The following ILDR1 variants were observed in gnomAD, a reference collection of about 807,000 sequenced individuals.
The protein encoded by ILDR1 is immunoglobulin-like domain-containing receptor 1.
Under a neutral mutation model 62.4 loss-of-function variants are expected in ILDR1, and 56 were observed. The observed-to-expected ratio is 0.90, with a 90% confidence interval of 0.72 to 1.12. The LOEUF is 1.12. ILDR1 is among the 50% of genes most tolerant of loss of function. The pLI is 0.00. For synonymous variants in ILDR1, 284 were observed against 277.8 expected, an observed-to-expected ratio of 1.02 and a Z score of -0.22; for missense variants, 736 against 710.6, an observed-to-expected ratio of 1.04 and a Z score of -0.41.
intron 7 of ILDR1, among the ~76,000 whole-genome samples, chr3:121,990,221 G>T (rs543266242): frequency 6.6e-6 from 1 of 152,200 alleles, no homozygotes; most frequent in Non-Finnish European, 1.5e-5. Flanking sequence ...CTTTGGCCCT[G>T]CAGACTTTGC....
chr3:122,000,666 T>A (rs2071508267), intron 5 of ILDR1, among the ~76,000 whole-genome samples: 1 of 152,252 alleles, frequency 6.6e-6, no homozygotes, highest in Non-Finnish European at 1.5e-5. Context: ...TATAGCCATT[T>A]GCTCAGAAGC....
In ILDR1 at chr3:121,999,054, T is replaced by G. The variant is rs563711393; in HGVS notation, c.646+2254A>C. 3.9e-5 allele frequency among the ~76,000 whole-genome samples: 6 copies of G among 152,314 alleles called. No individual in the cohort carries two copies. In the East Asian group the frequency reaches 1.2e-3, roughly 29 times the overall value. On this transcript the variant is annotated intron_variant, in intron 5 of 7. Transcript: ENST00000344209. ...GAAACGTATGCAAGGGGACTACACA[T>G]CAGACATCCAATAAAAGTTAGTTCT...
the ILDR1 span, among the ~76,000 whole-genome samples, chr3:122,061,066 T>C: frequency 6.6e-6 from 1 of 152,166 alleles, no homozygotes; most frequent in Non-Finnish European, 1.5e-5. Context: ...CTCTATATTA[T>C]TAGGTGTCGA....
the ILDR1 span, among the ~76,000 whole-genome samples, chr3:122,044,579 T>TA: frequency 6.6e-6 from 1 of 151,594 alleles, no homozygotes; most frequent in African/African-American, 2.4e-5. Context: ...CTATTGATTA[T>TA]TGCCACAATT....
chr3:122,050,186 T>G, the ILDR1 span, among the ~76,000 whole-genome samples: 1 of 152,244 alleles, frequency 6.6e-6, no homozygotes. Context: ...AGACAGTGCA[T>G]AGTTGGATCT....
chr3:122,022,170 A>C lies in ILDR1; in HGVS notation c.-93T>G. 10 of 1,124,758 alleles carry C rather than the reference A, an allele frequency of 8.9e-6. No homozygotes were observed. Among genetic ancestry groups the C allele is most frequent in the South Asian group, 1.4e-5 (1 of 72,110 alleles). The allele number at this position is 1,124,758 out of a possible 1,614,324, so 69.7% of individuals were successfully genotyped here. ...CGCCCCAGGACGCACCACCTTCTCC[A>C]AGGAACCCCTCGGGTTTCCCCTCCC... On this transcript the variant is annotated 5_prime_UTR_variant, in exon 1 of 8. Coordinates refer to ENST00000344209, the MANE Select transcript of ILDR1 (RefSeq NM_001199799.2).
intron 5 of ILDR1, among the ~76,000 whole-genome samples, chr3:121,995,587 A>C (rs1282271617): frequency 1.3e-5 from 2 of 152,194 alleles, no homozygotes; most frequent in Non-Finnish European, 2.9e-5. Flanking sequence ...AGCCTGGAAG[A>C]AATCAGAGGC....
chr3:121,996,636 T>C (rs2071440464), intron 5 of ILDR1, among the ~76,000 whole-genome samples: 1 of 152,168 alleles, frequency 6.6e-6, no homozygotes, highest in Admixed American at 6.5e-5. Flanking sequence ...TTAACCTCAG[T>C]GGAGTAAAAT....
chr3:122,007,308 T>C (rs1184005031), intron 1 of ILDR1, 147 bp from the exon 2 acceptor site: 3 of 1,541,556 alleles, frequency 1.9e-6, no homozygotes, highest in Non-Finnish European at 1.7e-6. Flanking sequence ...CTTACTCACC[T>C]GGGCAGGCTA....
At chr3:122,048,335 C>G in the ILDR1 span, among the ~76,000 whole-genome samples, 1 of 152,252 alleles carries the variant, frequency 6.6e-6, no homozygotes. Context: ...ATTTGGTTTG[C>G]TAGTATTTTA....
the ILDR1 span, among the ~76,000 whole-genome samples, chr3:122,038,902 A>G: frequency 1.3e-5 from 2 of 152,178 alleles, no homozygotes; most frequent in Admixed American, 6.5e-5. Context: ...GGAACTTCTG[A>G]TCTGATCACC....
chr3:122,052,626 T>G, the ILDR1 span, among the ~76,000 whole-genome samples: 1 of 152,104 alleles, frequency 6.6e-6, no homozygotes, highest in African/African-American at 2.4e-5. Context: ...CAGGCTGGAG[T>G]GCAATGGCGC....
intron 1 of ILDR1, among the ~76,000 whole-genome samples, chr3:122,010,439 C>T (rs1576731249): frequency 6.6e-6 from 1 of 151,988 alleles, no homozygotes; most frequent in Admixed American, 6.5e-5. Flanking sequence ...TAAAAATAAA[C>T]CTTGAGTGGT....
chr3:122,023,389 A>T (rs1287997264), upstream of ILDR1, among the ~76,000 whole-genome samples: 1 of 152,026 alleles, frequency 6.6e-6, no homozygotes, highest in Non-Finnish European at 1.5e-5. Flanking sequence ...CAGCCATCAC[A>T]TTTTTCTTCA....
chr3:122,000,285 T>A (rs2071500572), intron 5 of ILDR1, among the ~76,000 whole-genome samples: 2 of 147,606 alleles, frequency 1.4e-5, no homozygotes, highest in Admixed American at 1.3e-4. Flanking sequence ...ACAGAAATCA[T>A]CCCTACCTCC....
rs139879742 is a variant in ILDR1 at position 122,011,677 on chromosome 3, T to TTCACACACACACACA, written c.59-4517_59-4516insTGTGTGTGTGTGTGA. Among the ~76,000 whole-genome samples the TTCACACACACACACA allele has an allele frequency of 3.0e-3, 400 of 133,220 alleles. 5 individuals carry two copies. Among genetic ancestry groups the TTCACACACACACACA allele is most frequent in the African/African-American group, 0.011 (363 of 33,868 alleles). 87.4% of individuals were successfully genotyped at this position (133,220 alleles called of 152,430 possible). On this transcript the variant is annotated intron_variant, in intron 1 of 7. Coordinates refer to ENST00000344209, the MANE Select transcript of ILDR1 (RefSeq NM_001199799.2). ...CTTTCTCTCTCTCTCTCTCTCTCTTTCACACACACACACACACACGGGAAG... is the reference window on the plus strand; with the variant it reads ...CTTTCTCTCTCTCTCTCTCTCTCTTTTCACACACACACACACACACACACACACACACACGGGAAG...
intron 7 of ILDR1, among the ~76,000 whole-genome samples, chr3:121,992,777 A>G (rs2071368755): frequency 6.6e-6 from 1 of 152,206 alleles, no homozygotes; most frequent in Admixed American, 6.5e-5. Context: ...GCAGCTGTGA[A>G]GGAAGGTGAG....
At chr3:122,037,337 G>T in the ILDR1 span, among the ~76,000 whole-genome samples, 1 of 152,248 alleles carries the variant, frequency 6.6e-6, no homozygotes, top group Non-Finnish European at 1.5e-5. Context: ...GCTGTACCCT[G>T]CAGAGCCACT....
At chr3:122,001,280 A>G in intron 5 of ILDR1, 28 bp downstream of exon 5, 1 of 1,613,918 alleles carries the variant, frequency 6.2e-7, no homozygotes, top group Non-Finnish European at 8.5e-7. Flanking sequence ...AATCCACTCC[A>G]TTCCACTGCT....
Sources: gnomAD v4.1 joint callset for allele counts (sites outside exome capture counted in the v4.1 genomes callset) on GRCh38, gnomAD v4.1.1 for gene constraint, MANE v1.5 for transcripts, NCBI Gene and HGNC (gene_info 2026-07-23, HGNC 2026-07-21) for gene names.